Variants in RALGAPA1 observed in about 807,000 individuals in gnomAD.
RALGAPA1 encodes Ral GTPase activating protein catalytic subunit alpha 1.
Under a neutral mutation model 269.6 loss-of-function variants are expected in RALGAPA1, and 52 were observed. That is an observed-to-expected ratio of 0.19 (90% CI 0.15 to 0.24). The LOEUF is 0.24. Among genes scored for constraint, RALGAPA1 ranks in the 10% least tolerant of loss-of-function variants. The pLI, the probability that RALGAPA1 is intolerant of heterozygous loss-of-function variation, is 1.00. For missense variants in RALGAPA1, 1,917 were observed against 3,013.9 expected, an observed-to-expected ratio of 0.64 and a Z score of 8.52; for synonymous variants, 817 against 1,008.3, an observed-to-expected ratio of 0.81 and a Z score of 3.60.
At position 35,721,977 on chromosome 14, in the gene RALGAPA1, C is replaced by T. The variant is rs536537863; in HGVS notation, c.2105-128G>A. 123 of 708,908 alleles carry T rather than the reference C, an allele frequency of 1.7e-4. 2 individuals are homozygous for T. Among genetic ancestry groups the T allele is most frequent in the South Asian group, 6.9e-4 (37 of 53,244 alleles). The allele number at this position is 708,908 out of a possible 1,614,324, so 43.9% of individuals were successfully genotyped here. A position where few individuals can be genotyped will look rare whatever the true frequency, so the allele number is the denominator to read the frequency against. ...AATTATAAAGTAATAAGACAAAACG[C>T]TGTGTACTGTAAGGCTTTTATGAGC... On this transcript the variant is annotated intron_variant, in intron 15 of 41. Coordinates refer to ENST00000680220, the MANE Select transcript of RALGAPA1 (RefSeq NM_001346249.2).
intron 12 of RALGAPA1, among the ~76,000 whole-genome samples, chr14:35,729,638 G>A (rs925101107): frequency 6.6e-6 from 1 of 152,196 alleles, no homozygotes; most frequent in Non-Finnish European, 1.5e-5. Context: ...TAAAGGACCT[G>A]AGGTGAGAGC....
At chr14:35,671,334 T>C (rs981964289) in intron 26 of RALGAPA1, 55 bp downstream of exon 26, 3 of 1,432,160 alleles carry the variant, frequency 2.1e-6, no homozygotes, top group African/African-American at 2.8e-5. Context: ...ATCAACTTTG[T>C]TAGTTGAATC....
intron 1 of RALGAPA1, among the ~76,000 whole-genome samples, chr14:35,802,692 TAA>T: frequency 7.0e-6 from 1 of 143,758 alleles, no homozygotes; most frequent in East Asian, 2.0e-4. Flanking sequence ...AACTGACCTT[TAA>T]AAAAAAAAAT....
intron 1 of RALGAPA1, among the ~76,000 whole-genome samples, chr14:35,802,623 A>T (rs1399108191): frequency 6.6e-6 from 1 of 151,236 alleles, no homozygotes; most frequent in Non-Finnish European, 1.5e-5. Flanking sequence ...ATTCAACATA[A>T]TCCCAACCAA....
At chr14:35,617,632 TGG>T (rs1566834507) in intron 35 of RALGAPA1, among the ~76,000 whole-genome samples, 4 of 5,024 alleles carry the variant, frequency 8.0e-4, no homozygotes, top group South Asian at 0.015. Context: ...TGTGTGTGTG[TGG>T]GGTGGGGGGG....
chr14:35,673,675 T>A (rs577408875), intron 24 of RALGAPA1, among the ~76,000 whole-genome samples: 1 of 152,072 alleles, frequency 6.6e-6, no homozygotes, highest in African/African-American at 2.4e-5. Context: ...CCGCCTCCTA[T>A]GTTCAAGCGA....
At position 35,667,397 on chromosome 14, in the gene RALGAPA1, AAACAAC is replaced by A. The variant is rs545535807; in HGVS notation, c.5203-2636_5203-2631del. ...TAGCGACAGAGCGAGACTCCATCTC[AAACAAC>A]AACAACAACAACAAAACTTAACTGT... is the stretch of plus-strand genomic sequence containing the variant. On this transcript the variant is annotated intron_variant, in intron 26 of 41. Coordinates refer to ENST00000680220, the MANE Select transcript of RALGAPA1 (RefSeq NM_001346249.2). Among the ~76,000 whole-genome samples the A allele has an allele frequency of 3.3e-5, 5 of 152,170 alleles. No individual in the cohort carries two copies. The South Asian group carries it at 6.2e-4, about 19-fold the overall frequency.
chr14:35,570,889 T>C, intron 38 of RALGAPA1, 145 bp from the exon 39 acceptor site: 1 of 748,236 alleles, frequency 1.3e-6, no homozygotes, highest in Non-Finnish European at 2.1e-6. Flanking sequence ...ATTCAATTCT[T>C]TTCTGTGATG....
At chr14:35,570,361 T>C (rs1466773476) in intron 39 of RALGAPA1, among the ~76,000 whole-genome samples, 1 of 144,750 alleles carries the variant, frequency 6.9e-6, no homozygotes, top group African/African-American at 2.6e-5. Context: ...TATACATCAA[T>C]AAACAGGGAA....
At chr14:35,592,850 C>T (rs2058718283) in intron 37 of RALGAPA1, among the ~76,000 whole-genome samples, 1 of 152,078 alleles carries the variant, frequency 6.6e-6, no homozygotes, top group Non-Finnish European at 1.5e-5. Context: ...AAGGAAAGTT[C>T]TTCAACACAA....
intron 1 of RALGAPA1, among the ~76,000 whole-genome samples, chr14:35,779,818 C>T (rs534848013): frequency 1.1e-4 from 16 of 152,214 alleles, no homozygotes; most frequent in Non-Finnish European, 7.4e-5. Flanking sequence ...TACTTTCTAA[C>T]GCTAATAAAA....
intron 16 of RALGAPA1, among the ~76,000 whole-genome samples, chr14:35,718,080 A>G (rs1393729994): frequency 1.3e-5 from 2 of 152,094 alleles, no homozygotes; most frequent in Non-Finnish European, 2.9e-5. Context: ...TCCCTACTTA[A>G]AACAGTCGTC....
At chr14:35,727,057 A>G (rs1284644641) in intron 13 of RALGAPA1, among the ~76,000 whole-genome samples, 1 of 152,130 alleles carries the variant, frequency 6.6e-6, no homozygotes, top group African/African-American at 2.4e-5. Flanking sequence ...CATTCTATTA[A>G]TACTGTTAGT....
chr14:35,808,175 A>G (rs879806100), intron 1 of RALGAPA1, among the ~76,000 whole-genome samples: 1 of 152,202 alleles, frequency 6.6e-6, no homozygotes, highest in Non-Finnish European at 1.5e-5. Flanking sequence ...GGATGAGTTA[A>G]ACTACCTATA....
chr14:35,652,580 T>C (rs1337812420), intron 30 of RALGAPA1, among the ~76,000 whole-genome samples: 2 of 152,064 alleles, frequency 1.3e-5, no homozygotes, highest in Non-Finnish European at 2.9e-5. Context: ...AATTTTTGTA[T>C]TTTTAGTAGA....
At chr14:35,547,002 T>C (rs2054520583) in intron 41 of RALGAPA1, among the ~76,000 whole-genome samples, 1 of 152,158 alleles carries the variant, frequency 6.6e-6, no homozygotes, top group South Asian at 2.1e-4. Context: ...ACTATTAAAG[T>C]CTGCAAAAAC....
chr14:35,748,548 C>T (rs760691902), intron 10 of RALGAPA1, 37 bp downstream of exon 10: 3 of 1,563,170 alleles, frequency 1.9e-6, no homozygotes, highest in Admixed American at 1.9e-5. Flanking sequence ...AGATAAAAGC[C>T]TTCCTTATAA....
chr14:35,547,959 T>C (rs577695364), intron 41 of RALGAPA1, among the ~76,000 whole-genome samples: 17 of 151,692 alleles, frequency 1.1e-4, no homozygotes, highest in Non-Finnish European at 2.2e-4. Flanking sequence ...GTTGTGCCTT[T>C]TGAATTTATT....
chr14:35,572,970 C>G (rs1250829091), intron 37 of RALGAPA1: 11 of 238,364 alleles, frequency 4.6e-5, no homozygotes, highest in Non-Finnish European at 8.0e-5. Flanking sequence ...AGCCCAAATA[C>G]TCTCCTTAAC....
Sources: gnomAD v4.1 joint callset for allele counts (sites outside exome capture counted in the v4.1 genomes callset) on GRCh38, gnomAD v4.1.1 for gene constraint, MANE v1.5 for transcripts, NCBI Gene and HGNC (gene_info 2026-07-23, HGNC 2026-07-21) for gene names.